TBX5: variants seen among roughly 807,000 people sequenced by gnomAD.
TBX5 encodes the protein T-box transcription factor TBX5.
TBX5 carries 8 observed loss-of-function variants against 51.1 expected under a neutral mutation model. That is an observed-to-expected ratio of 0.16 (90% CI 0.09 to 0.28). TBX5 has a LOEUF of 0.28. Ranked by LOEUF, TBX5 falls within the 10% of genes least tolerant of loss-of-function variation. TBX5 has a pLI of 1.00. For missense variants in TBX5, 589 were observed against 671.7 expected (o/e 0.88, Z 1.36); for synonymous variants, 302 against 266.4 (o/e 1.13, Z -1.30).
intron 8 of TBX5, among the ~76,000 whole-genome samples, chr12:114,359,660 A>G (rs1869125810): frequency 6.6e-6 from 1 of 152,156 alleles, no homozygotes; most frequent in African/African-American, 2.4e-5. Flanking sequence ...TTTTCTAGAT[A>G]TTTTTGATTC....
chr12:114,356,025 C>G lies in TBX5; in HGVS notation c.1064G>C (p.Arg355Pro). 6.2e-7 allele frequency: 1 copy of G among 1,614,062 alleles called. No individual in the cohort carries two copies. The highest frequency in any genetic ancestry group is 8.5e-7 in the Non-Finnish European group (1 of 1,180,044). Residue 355 changes from arginine to proline, a missense_variant, in exon 9 of 9, where the codon CGC becomes CCC. Physicochemically the swap from Arg to Pro is moderately radical, Grantham distance 103. Coordinates refer to ENST00000405440, the MANE Select transcript of TBX5 (RefSeq NM_181486.4). ...GCCCTGCTGCTGTGGATAGCTAGAG[C>G]GGTAGAAGGAATCTTCTTCACTGGG... ...TSPSEEDSFY[R>P]SSYPQQQGLG...
At position 114,403,857 on chromosome 12, in the gene TBX5, A is replaced by G. The variant is rs1156827760; in HGVS notation, c.42T>C (p.Pro14=). 1.2e-6 allele frequency: 2 copies of G among 1,613,394 alleles called. No individual in the cohort carries two copies. Among genetic ancestry groups the G allele is most frequent in the Admixed American group, 3.3e-5 (2 of 59,974 alleles). Residue 14 remains proline (P), a synonymous_variant, in exon 2 of 9, where the codon CCT becomes CCC. Transcript: ENST00000405440. ...GCAGGTCTTTTGCGTCAGGCTCCAG[A>G]GGCGTGTGCGCCAGGCCAAAGCCCT... The part of the protein sequence containing the change: ...ADEGFGLAHT[P]LEPDAKDLPC...
intron 7 of TBX5, among the ~76,000 whole-genome samples, chr12:114,367,467 C>A (rs1408429305): frequency 6.6e-6 from 1 of 152,144 alleles, no homozygotes; most frequent in African/African-American, 2.4e-5. Flanking sequence ...TGGCCCCTCA[C>A]ACTCTTAGGA....
chr12:114,359,288 G>A (rs10507248), intron 8 of TBX5, among the ~76,000 whole-genome samples: 1 of 151,912 alleles, frequency 6.6e-6, no homozygotes, highest in Non-Finnish European at 1.5e-5. Context: ...CCAACTCAAG[G>A]ATCCAAATTT....
intron 8 of TBX5, among the ~76,000 whole-genome samples, chr12:114,362,463 T>A (rs1869294049): frequency 6.6e-6 from 1 of 151,994 alleles, no homozygotes; most frequent in African/African-American, 2.4e-5. Context: ...GGGGGCAGGC[T>A]CTCCCTCAGC....
chr12:114,392,549 A>T (rs1871214662), intron 6 of TBX5, among the ~76,000 whole-genome samples: 1 of 152,152 alleles, frequency 6.6e-6, no homozygotes, highest in Admixed American at 6.5e-5. Context: ...GAGAATTCAG[A>T]TGGTTTTTTA....
intron 8 of TBX5, among the ~76,000 whole-genome samples, chr12:114,363,668 A>T (rs1243239311): frequency 6.6e-6 from 1 of 152,210 alleles, no homozygotes; most frequent in Non-Finnish European, 1.5e-5. Flanking sequence ...TGAAATGCAC[A>T]CGTATAGAAT....
rs149474574 is a variant in TBX5 at position 114,355,793 on chromosome 12, C to T, written c.1296G>A (p.Ser432=). 3.0e-5 allele frequency: 49 copies of T among 1,614,004 alleles called. No homozygotes were observed. Among genetic ancestry groups the T allele is most frequent in the Non-Finnish European group, 3.9e-5 (46 of 1,180,036 alleles). Residue 432 remains serine (S), a synonymous_variant, in exon 9 of 9, where the codon TCG becomes TCA. Coordinates refer to ENST00000405440, the MANE Select transcript of TBX5 (RefSeq NM_181486.4). ...PYQHFSAHFT[S]GPLVPRLAGM... is the part of the protein sequence containing the mutation. The stretch of plus-strand genomic sequence containing the variant: ...CAGCCAGCCGAGGGACCAGGGGCCC[C>T]GAGGTGAAGTGAGCGGAGAAGTGCT...
At chr12:114,389,753 C>CAAAAAAAAAA (rs55649814) in intron 6 of TBX5, among the ~76,000 whole-genome samples, 5 of 40,274 alleles carry the variant, frequency 1.2e-4, no homozygotes, top group Admixed American at 3.9e-4. Context: ...GACTCCGTCT[C>CAAAAAAAAAA]AAAAAAAAAA....
At chr12:114,392,919 A>G (rs1871240002) in intron 6 of TBX5, among the ~76,000 whole-genome samples, 1 of 152,144 alleles carries the variant, frequency 6.6e-6, no homozygotes, top group Non-Finnish European at 1.5e-5. Context: ...ACCCATTTAA[A>G]AAGGAATGGT....
chr12:114,366,501 A>C (rs1191500610), intron 7 of TBX5, 110 bp from the exon 8 acceptor site: 13 of 1,019,210 alleles, frequency 1.3e-5, no homozygotes, highest in Non-Finnish European at 2.0e-5. Flanking sequence ...GAATAAGGAA[A>C]AAAAAGAGGT....
intron 7 of TBX5, among the ~76,000 whole-genome samples, chr12:114,379,732 T>C (rs971832505): frequency 6.6e-6 from 1 of 152,230 alleles, no homozygotes; most frequent in African/African-American, 2.4e-5. Flanking sequence ...CCTGGGCCTG[T>C]TTCCATCCAT....
At chr12:114,398,121 A>C (rs559399179) in intron 5 of TBX5, among the ~76,000 whole-genome samples, 1 of 152,138 alleles carries the variant, frequency 6.6e-6, no homozygotes, top group African/African-American at 2.4e-5. Context: ...CTCCATCCCT[A>C]GGCAAAGGGA....
upstream of TBX5, chr12:114,407,078 G>A (rs1354931584): frequency 1.0e-6 from 1 of 985,246 alleles, no homozygotes; most frequent in Non-Finnish European, 1.2e-6. Context: ...AGAAAGGGAT[G>A]GAGGGAGGAG....
chr12:114,360,272 T>C (rs1005444571), intron 8 of TBX5, among the ~76,000 whole-genome samples: 1 of 151,874 alleles, frequency 6.6e-6, no homozygotes, highest in Non-Finnish European at 1.5e-5. Flanking sequence ...AGGCTTTCCA[T>C]TTCACGCAAC....
intron 7 of TBX5, among the ~76,000 whole-genome samples, chr12:114,372,844 C>A (rs1265057448): frequency 1.1e-4 from 16 of 152,062 alleles, no homozygotes; most frequent in Admixed American, 1.0e-3. Flanking sequence ...ACGAACTAGA[C>A]CACTCCATTG....
chr12:114,399,484 C>T, intron 4 of TBX5, 29 bp downstream of exon 4: 3 of 1,613,964 alleles, frequency 1.9e-6, no homozygotes, highest in Non-Finnish European at 2.5e-6. Context: ...TTTCTCTCTC[C>T]CCGCTCCACC....
At chr12:114,357,931 C>T (rs115169023) in intron 8 of TBX5, among the ~76,000 whole-genome samples, 201 of 152,252 alleles carry the variant, frequency 1.3e-3, no homozygotes, top group African/African-American at 4.6e-3. Context: ...AACTAAATAA[C>T]GAGAGGAAAT....
rs200368469 is a variant in TBX5 at position 114,395,390 on chromosome 12, T to TA, written c.511-498dup. The stretch of plus-strand genomic sequence containing the variant: ...CAAGTGTTTGGAAAACTGAAATAAG[T>TA]AAAAAAAAAAATCACCAGTTCTCTG... On this transcript the variant is annotated intron_variant, in intron 5 of 8. Coordinates refer to ENST00000405440, the MANE Select transcript of TBX5 (RefSeq NM_181486.4). Among the ~76,000 whole-genome samples, 528 of 147,662 alleles carry TA rather than the reference T, an allele frequency of 3.6e-3. 2 individuals carry two copies. The highest frequency in any genetic ancestry group is 0.012 in the South Asian group (57 of 4,650).
Sources: gnomAD v4.1 joint callset for allele counts (sites outside exome capture counted in the v4.1 genomes callset) on GRCh38, gnomAD v4.1.1 for gene constraint, MANE v1.5 for transcripts, NCBI Gene and HGNC (gene_info 2026-07-23, HGNC 2026-07-21) for gene names.